Variants in CD28 observed in about 807,000 individuals in gnomAD.
The protein encoded by CD28 is T-cell-specific surface glycoprotein CD28.
A neutral mutation model predicts 21.4 loss-of-function variants in CD28; 8 were observed. The observed-to-expected ratio is 0.37, with a 90% CI of 0.22 to 0.68. CD28 has a LOEUF of 0.68. CD28 is among the 30% of genes least tolerant of loss of function. The pLI, the probability that CD28 is intolerant of heterozygous loss-of-function variation, is 0.55. For missense variants in CD28, 239 were observed against 272.2 expected, an observed-to-expected ratio of 0.88 and a Z score of 0.86; for synonymous variants, 106 against 104.0, an observed-to-expected ratio of 1.02 and a Z score of -0.12.
At chr2:203,732,818 G>GGGA (rs1264068468) in intron 3 of CD28, among the ~76,000 whole-genome samples, 1 of 152,240 alleles carries the variant, frequency 6.6e-6, no homozygotes, top group African/African-American at 2.4e-5. Context: ...CCACTGCTGT[G>GGGA]TTTAGAGTTA....
Position 203,735,589 on chromosome 2 carries a change from A to G in CD28, c.*677A>G, listed in dbSNP as rs1694010249. 1 of 152,674 alleles carries G rather than the reference A, an allele frequency of 6.5e-6. No homozygotes were observed. 9.5% of individuals were successfully genotyped at this position (152,674 alleles called of 1,614,324 possible). ...CCTCAAAGCAATATCAGGTAAACCA[A>G]GTTGCTTTCCTCACTCCCTGTCATG... On this transcript the variant is annotated 3_prime_UTR_variant, in exon 4 of 4. Coordinates refer to ENST00000324106, the MANE Select transcript of CD28 (RefSeq NM_006139.4).
chr2:203,727,896 C>A (rs1385653336), intron 2 of CD28, among the ~76,000 whole-genome samples: 1 of 152,164 alleles, frequency 6.6e-6, no homozygotes, highest in Admixed American at 6.5e-5. Context: ...CCAGGATGGT[C>A]TCGATTTCCT....
chr2:203,726,322 A>G (rs114375388), intron 1 of CD28, among the ~76,000 whole-genome samples: 40 of 152,326 alleles, frequency 2.6e-4, no homozygotes, highest in African/African-American at 9.6e-4. Context: ...GATTAATATT[A>G]ATGTCTCAGG....
intron 1 of CD28, among the ~76,000 whole-genome samples, chr2:203,707,050 C>T (rs1215410780): frequency 6.6e-6 from 1 of 151,928 alleles, no homozygotes; most frequent in Admixed American, 6.5e-5. Context: ...CACTATGTTG[C>T]CCAGGCTGGT....
intron 2 of CD28, among the ~76,000 whole-genome samples, chr2:203,727,581 G>A (rs529150857): frequency 1.3e-5 from 2 of 151,458 alleles, no homozygotes; most frequent in African/African-American, 4.9e-5. Flanking sequence ...CCGGGTTCAC[G>A]TCATTCTCCT....
rs1694065875 is a variant in CD28, at chr2:203,737,454, A to G, written c.*2542A>G. On this transcript the variant is annotated 3_prime_UTR_variant, in exon 4 of 4. Transcript: ENST00000324106. ...ACTTTTTTTTAAATGGAAAGACTTG[A>G]TCTATGGTAATAAATGATTTTGTTT... 6.6e-6 allele frequency: 1 copy of G among 152,166 alleles called. No homozygotes were observed. Among genetic ancestry groups the G allele is most frequent in the Admixed American group, 6.6e-5 (1 of 15,218 alleles). The allele number at this position is 152,166 out of a possible 1,614,324, so 9.4% of individuals were successfully genotyped here. A position where few individuals can be genotyped will look rare whatever the true frequency, so the allele number is the denominator to read the frequency against.
At position 203,718,782 on chromosome 2, in the gene CD28, A is replaced by G. The variant is rs573310382; in HGVS notation, c.53-7851A>G. ...ACTATGACAAACAAATGTAATTCAC[A>G]AAAGCCCTGAAGTTAAGGATTTTCC... is the stretch of plus-strand genomic sequence containing the variant. On this transcript the variant is annotated intron_variant, in intron 1 of 3. Transcript: ENST00000324106. Among the ~76,000 whole-genome samples the G allele has an allele frequency of 7.2e-5, 11 of 152,364 alleles. No homozygotes were observed. In the East Asian group the frequency reaches 1.7e-3, roughly 24 times the overall value.
intron 3 of CD28, among the ~76,000 whole-genome samples, chr2:203,730,077 T>C (rs1356584871): frequency 1.3e-5 from 2 of 152,168 alleles, no homozygotes; most frequent in Admixed American, 6.5e-5. Flanking sequence ...AATATAATTA[T>C]GACACATAAA....
chr2:203,729,164 A>G (rs753148334), intron 2 of CD28, among the ~76,000 whole-genome samples: 4 of 152,226 alleles, frequency 2.6e-5, no homozygotes, highest in Non-Finnish European at 5.9e-5. Flanking sequence ...GTCATTATAT[A>G]ATCTATGAGA....
At chr2:203,727,011 G>T (rs978398030) in intron 2 of CD28, 22 bp downstream of exon 2, 13 of 1,416,074 alleles carry the variant, frequency 9.2e-6, no homozygotes, top group Non-Finnish European at 1.3e-5. Flanking sequence ...CTTTACCAGT[G>T]TACCACCCTA....
intron 1 of CD28, among the ~76,000 whole-genome samples, chr2:203,714,929 G>T (rs1057444316): frequency 1.3e-5 from 2 of 152,084 alleles, no homozygotes; most frequent in Admixed American, 6.5e-5. Flanking sequence ...CAATGTTAAG[G>T]TCCAACACAG....
chr2:203,729,021 C>A (rs189390177), intron 2 of CD28, among the ~76,000 whole-genome samples: 2 of 152,140 alleles, frequency 1.3e-5, no homozygotes, highest in Non-Finnish European at 2.9e-5. Flanking sequence ...TATTGTGCAG[C>A]TAGGATGGAA....
intron 1 of CD28, among the ~76,000 whole-genome samples, chr2:203,712,143 G>A (rs1693330983): frequency 1.3e-5 from 2 of 151,990 alleles, no homozygotes. Context: ...AGTGAGCAGA[G>A]ATTGTGTCAA....
At chr2:203,708,453 A>C (rs147438729) in intron 1 of CD28, among the ~76,000 whole-genome samples, 199 of 152,362 alleles carry the variant, frequency 1.3e-3, no homozygotes, top group African/African-American at 3.7e-3. Context: ...GCCTACCCTG[A>C]CTGAAAACTA....
intron 1 of CD28, among the ~76,000 whole-genome samples, chr2:203,715,399 T>A (rs545000717): frequency 6.6e-6 from 1 of 152,256 alleles, no homozygotes; most frequent in African/African-American, 2.4e-5. Flanking sequence ...CTTGCTATGT[T>A]GTCCCCTTAG....
intron 1 of CD28, among the ~76,000 whole-genome samples, chr2:203,723,200 T>G (rs1330287746): frequency 6.6e-6 from 1 of 152,272 alleles, no homozygotes; most frequent in East Asian, 1.9e-4. Context: ...ATCCACAGAA[T>G]GAGAGAAAAC....
intron 1 of CD28, among the ~76,000 whole-genome samples, chr2:203,720,751 A>G (rs1243057096): frequency 6.6e-6 from 1 of 152,198 alleles, no homozygotes. Context: ...CCATGTTTTT[A>G]CTTCATAGAG....
intron 1 of CD28, among the ~76,000 whole-genome samples, chr2:203,714,787 T>G (rs1353025548): frequency 6.6e-6 from 1 of 152,156 alleles, no homozygotes; most frequent in Non-Finnish European, 1.5e-5. Flanking sequence ...TACAAGAAAT[T>G]AGAAACCAGC....
At chr2:203,716,427 C>T (rs1481841557) in intron 1 of CD28, among the ~76,000 whole-genome samples, 1 of 152,188 alleles carries the variant, frequency 6.6e-6, no homozygotes, top group Non-Finnish European at 1.5e-5. Flanking sequence ...AATGAAACAG[C>T]TCTGTCTTTT....
Sources: allele counts gnomAD v4.1 joint callset (sites outside exome capture counted in the v4.1 genomes callset), GRCh38; gene constraint gnomAD v4.1.1; transcripts MANE v1.5; gene names NCBI Gene and HGNC (gene_info 2026-07-23, HGNC 2026-07-21).